TRIO: variants seen among roughly 807,000 people sequenced by gnomAD.
TRIO encodes the protein trio Rho guanine nucleotide exchange factor.
TRIO carries 58 observed loss-of-function variants against 351.9 expected under a neutral mutation model. The ratio of observed to expected loss-of-function variants is 0.16; its 90% CI spans 0.13 to 0.21. The LOEUF (loss-of-function observed/expected upper bound fraction) is 0.21, where lower values mean the gene tolerates loss of function less well. TRIO is among the 10% of genes least tolerant of loss of function. The probability of loss-of-function intolerance (pLI) is 1.00; values close to 1 mark genes in which losing one functional copy is unlikely to be tolerated. For synonymous variants in TRIO, 1,758 were observed against 1,595.7 expected (o/e 1.10, Z -2.42); for missense variants, 3,201 against 4,027.8 (o/e 0.79, Z 5.56).
At chr5:14,152,122 A>G (rs180818404) in intron 1 of TRIO, among the ~76,000 whole-genome samples, 1 of 152,356 alleles carries the variant, frequency 6.6e-6, no homozygotes, top group East Asian at 1.9e-4. Context: ...ATATTTTGAC[A>G]TCTAAATAAC....
At chr5:14,500,089 A>G (rs965251052) in intron 53 of TRIO, among the ~76,000 whole-genome samples, 9 of 152,026 alleles carry the variant, frequency 5.9e-5, no homozygotes, top group African/African-American at 2.2e-4. Context: ...TACCCTGGAA[A>G]TGCAAATGGG....
At chr5:14,208,834 T>C (rs990157751) in intron 1 of TRIO, among the ~76,000 whole-genome samples, 1 of 152,244 alleles carries the variant, frequency 6.6e-6, no homozygotes, top group Non-Finnish European at 1.5e-5. Flanking sequence ...AAGTGTTACC[T>C]ACCTGAAGTG....
intron 10 of TRIO, among the ~76,000 whole-genome samples, chr5:14,333,618 C>G (rs1741111086): frequency 6.6e-6 from 1 of 152,150 alleles, no homozygotes; most frequent in African/African-American, 2.4e-5. Flanking sequence ...CCTATCTGTT[C>G]TAAGTTCCCA....
intron 1 of TRIO, among the ~76,000 whole-genome samples, chr5:14,152,084 A>AT (rs1396174636): frequency 6.6e-6 from 1 of 152,228 alleles, no homozygotes; most frequent in African/African-American, 2.4e-5. Context: ...GCTTCACACA[A>AT]TAAAATCTCT....
In TRIO at chr5:14,508,674, C is replaced by T. The variant is rs1757887801; in HGVS notation, c.*252C>T. On this transcript the variant is annotated 3_prime_UTR_variant, in exon 57 of 57. Transcript: ENST00000344204. ...GTATCACAGTATTTTATTCAGGTTT[C>T]TGCAAAAAAATAAAAAGATAACTTT... 1 of 401,706 alleles carries T rather than the reference C, an allele frequency of 2.5e-6. No individual in the cohort carries two copies. Among genetic ancestry groups the T allele is most frequent in the African/African-American group, 2.1e-5 (1 of 48,754 alleles). The allele number at this position is 401,706 out of a possible 1,614,324, so 24.9% of individuals were successfully genotyped here.
chr5:14,410,717 T>G (rs896982768), intron 33 of TRIO, among the ~76,000 whole-genome samples: 1 of 152,192 alleles, frequency 6.6e-6, no homozygotes, highest in South Asian at 2.1e-4. Context: ...GCAAAAGTTA[T>G]CTGCTAGGGC....
At chr5:14,376,305 G>A (rs1265193454) in intron 19 of TRIO, among the ~76,000 whole-genome samples, 1 of 151,990 alleles carries the variant, frequency 6.6e-6, no homozygotes, top group Non-Finnish European at 1.5e-5. Flanking sequence ...TTTTTTGTTT[G>A]TTTCATAAAC....
intron 9 of TRIO, among the ~76,000 whole-genome samples, chr5:14,328,776 T>A (rs974072862): frequency 2.0e-5 from 3 of 152,132 alleles, no homozygotes; most frequent in African/African-American, 4.8e-5. Flanking sequence ...AATAAGGAAC[T>A]TGCCCAAGAG....
intron 8 of TRIO, among the ~76,000 whole-genome samples, chr5:14,311,996 T>C (rs1233706540): frequency 1.3e-5 from 2 of 152,248 alleles, no homozygotes; most frequent in South Asian, 2.1e-4. Context: ...ATTTGGTCTT[T>C]GGGCAGTTGT....
chr5:14,460,663 A>T (rs971716883), intron 34 of TRIO, among the ~76,000 whole-genome samples: 1 of 152,216 alleles, frequency 6.6e-6, no homozygotes, highest in Non-Finnish European at 1.5e-5. Context: ...AAATGATTTT[A>T]AAATTCTGTC....
chr5:14,458,198 A>G (rs10041860), intron 34 of TRIO, among the ~76,000 whole-genome samples: 4,027 of 152,262 alleles, frequency 0.026, 186 homozygotes, highest in African/African-American at 0.092. Context: ...TATGTCAAAC[A>G]AAAGACTGTC....
chr5:14,402,730 ATGG>A (rs1259748089), intron 31 of TRIO, among the ~76,000 whole-genome samples: 2 of 151,322 alleles, frequency 1.3e-5, no homozygotes, highest in Non-Finnish European at 3.0e-5. Context: ...AGTGGTGTAG[ATGG>A]TGGTGATGAG....
At chr5:14,312,733 T>C (rs1009985863) in intron 8 of TRIO, among the ~76,000 whole-genome samples, 2 of 152,252 alleles carry the variant, frequency 1.3e-5, no homozygotes, top group Non-Finnish European at 2.9e-5. Flanking sequence ...GGAACTACAC[T>C]ACATGCCATA....
chr5:14,489,015 A>G (rs762974144), intron 48 of TRIO: 4 of 765,046 alleles, frequency 5.2e-6, no homozygotes, highest in Non-Finnish European at 9.6e-6. Flanking sequence ...TGTCCTACCC[A>G]CCTGTTTCCT....
intron 1 of TRIO, among the ~76,000 whole-genome samples, chr5:14,238,737 A>G (rs1057178250): frequency 6.6e-6 from 1 of 152,222 alleles, no homozygotes; most frequent in African/African-American, 2.4e-5. Context: ...TTCTTTTTAA[A>G]GAGAAAAGTT....
chr5:14,246,699 G>T (rs774920461), intron 1 of TRIO, among the ~76,000 whole-genome samples: 7 of 152,162 alleles, frequency 4.6e-5, no homozygotes, highest in Non-Finnish European at 1.0e-4. Flanking sequence ...CCTGTTCCCT[G>T]TGGCTTCTCC....
Position 14,481,548 on chromosome 5 carries a change from T to C in TRIO, c.6395T>C (p.Val2132Ala). 6.2e-7 allele frequency: 1 copy of C among 1,614,028 alleles called. No homozygotes were observed. Among genetic ancestry groups the C allele is most frequent in the Non-Finnish European group, 8.5e-7 (1 of 1,180,000 alleles). The change falls in exon 45 of 57, where the codon GTG becomes GCG. Residue 2132 changes from valine to alanine, a missense_variant. Transcript: ENST00000344204. Reference protein sequence around the residue: ...SLDTSELERAVEVMCIVPRRC... With the variant: ...SLDTSELERAAEVMCIVPRRC... ...CTCTCTCCCCTCCCACAGAGAGCTG[T>C]GGAAGTCATGTGCATAGTACCCAGG... is the stretch of plus-strand genomic sequence containing the variant.
intron 1 of TRIO, among the ~76,000 whole-genome samples, chr5:14,199,795 G>A (rs1790993545): frequency 6.6e-6 from 1 of 152,154 alleles, no homozygotes; most frequent in Non-Finnish European, 1.5e-5. Flanking sequence ...GATTTGTCTT[G>A]TCCTGGGTCT....
intron 12 of TRIO, among the ~76,000 whole-genome samples, chr5:14,359,002 C>T (rs1743885255): frequency 2.0e-5 from 3 of 152,186 alleles, no homozygotes; most frequent in South Asian, 4.1e-4. Flanking sequence ...GTTAACCTCT[C>T]GTGTCCAATA....
Sources: gnomAD v4.1 joint callset for allele counts (sites outside exome capture counted in the v4.1 genomes callset) on GRCh38, gnomAD v4.1.1 for gene constraint, MANE v1.5 for transcripts, NCBI Gene and HGNC (gene_info 2026-07-23, HGNC 2026-07-21) for gene names.